The following ATP12A variants were observed in gnomAD, a reference collection of about 807,000 sequenced individuals.
The protein encoded by ATP12A is ATPase H+/K+ transporting non-gastric alpha2 subunit.
In ATP12A, 81 loss-of-function variants were observed where a neutral mutation model predicts 111.2. The observed-to-expected ratio is 0.73, with a 90% CI of 0.61 to 0.88. The LOEUF (loss-of-function observed/expected upper bound fraction) is 0.88, where lower values mean the gene tolerates loss of function less well. Among genes scored for constraint, ATP12A ranks in the 40% least tolerant of loss-of-function variants. The pLI is 0.00. For missense variants in ATP12A, 1,196 were observed against 1,313.1 expected (o/e 0.91, Z 1.38); for synonymous variants, 498 against 499.8 (o/e 1.00, Z 0.05).
chr13:24,710,992 T>C, intron 21 of ATP12A, 99 bp downstream of exon 21: 1 of 1,124,992 alleles, frequency 8.9e-7, no homozygotes, highest in Non-Finnish European at 1.3e-6. Context: ...CTTCCCCAAG[T>C]CTTTCAAAAG....
At chr13:24,690,864 T>C (rs764274392) in intron 7 of ATP12A, 118 bp from the exon 8 acceptor site, 370 of 1,482,050 alleles carry the variant, frequency 2.5e-4, no homozygotes, top group Non-Finnish European at 3.2e-4. Context: ...GGACGATGCT[T>C]GGCCTTGGGA....
At chr13:24,706,182 A>G in intron 14 of ATP12A, 131 bp from the exon 15 acceptor site, 1 of 1,198,310 alleles carries the variant, frequency 8.3e-7, no homozygotes, top group South Asian at 1.6e-5. Flanking sequence ...TTACCTCACT[A>G]GAGCATTAGG....
At chr13:24,711,281 A>G in intron 21 of ATP12A, 37 bp from the exon 22 acceptor site, 1 of 1,557,644 alleles carries the variant, frequency 6.4e-7, no homozygotes. Context: ...ATCCCTGTGG[A>G]TGAGTCAGGG....
At chr13:24,681,101 C>T (rs995374521) in intron 1 of ATP12A, among the ~76,000 whole-genome samples, 1 of 152,150 alleles carries the variant, frequency 6.6e-6, no homozygotes, top group Admixed American at 6.5e-5. Flanking sequence ...GGTTAGGGCC[C>T]CCTGATCAGG....
At chr13:24,710,711 T>C in intron 20 of ATP12A, 81 bp from the exon 21 acceptor site, 1 of 1,599,964 alleles carries the variant, frequency 6.3e-7, no homozygotes, top group Non-Finnish European at 8.6e-7. Context: ...GGCATTGATT[T>C]TTCTGGTGGC....
chr13:24,692,114 G>C (rs138289030), intron 8 of ATP12A, among the ~76,000 whole-genome samples: 1 of 152,168 alleles, frequency 6.6e-6, no homozygotes, highest in Admixed American at 6.5e-5. Context: ...AGGAGGCGTC[G>C]TGATTGTACG....
At chr13:24,689,187 T>C in intron 4 of ATP12A, 75 bp from the exon 5 acceptor site, 1 of 1,169,366 alleles carries the variant, frequency 8.6e-7, no homozygotes, top group Non-Finnish European at 1.3e-6. Context: ...CATCCTCCCG[T>C]GGAGAGCTCT....
chr13:24,689,434 C>T lies in ATP12A; in HGVS notation c.546+59C>T, dbSNP rs1874788828. ...TGACTCCCAGGTGAGGAAGCCTCAG[C>T]TGGGAGGGGCACAGGGCCCTGAGGG... On this transcript the variant is annotated intron_variant, in intron 5 of 22. Transcript: ENST00000381946. The T allele has an allele frequency of 4.8e-6, 7 of 1,464,480 alleles. 1 individual carries two copies. Among genetic ancestry groups the T allele is most frequent in the South Asian group, 3.4e-5 (3 of 87,454 alleles). 90.7% of individuals were successfully genotyped at this position (1,464,480 alleles called of 1,614,324 possible).
At position 24,709,505 on chromosome 13, in the gene ATP12A, C is replaced by T. The variant is rs1167771940; in HGVS notation, c.2617+18C>T. 2.5e-6 allele frequency: 4 copies of T among 1,610,938 alleles called. No homozygotes were observed. Among genetic ancestry groups the T allele is most frequent in the Non-Finnish European group, 3.4e-6 (4 of 1,177,624 alleles). On this transcript the variant is annotated intron_variant, in intron 18 of 22. Coordinates refer to ENST00000381946, the MANE Select transcript of ATP12A (RefSeq NM_001676.7). Reference sequence around the variant, plus strand: ...GCACATTGGTACGATGAGGGCGCGTCTTCCCCATCACACGAGGGCCTGCCC... The same window carrying T: ...GCACATTGGTACGATGAGGGCGCGTTTTCCCCATCACACGAGGGCCTGCCC...
chr13:24,680,641 A>G lies in ATP12A; in HGVS notation c.-103A>G. 1 of 1,369,374 alleles carries G rather than the reference A, an allele frequency of 7.3e-7. No homozygotes were observed. Among genetic ancestry groups the G allele is most frequent in the Non-Finnish European group, 9.8e-7 (1 of 1,018,322 alleles). The allele number at this position is 1,369,374 out of a possible 1,614,324, so 84.8% of individuals were successfully genotyped here. On this transcript the variant is annotated 5_prime_UTR_variant, in exon 1 of 23. Transcript: ENST00000381946. ...TATCTCCACCGCCAACACCTCAGCC[A>G]CTGCCACTGCCACAGCCACACGAGG...
At chr13:24,708,975 G>T (rs1201284405) in intron 17 of ATP12A, among the ~76,000 whole-genome samples, 2 of 122,678 alleles carry the variant, frequency 1.6e-5, no homozygotes, top group Non-Finnish European at 3.8e-5. Flanking sequence ...GAAAGAGAAA[G>T]AGAAATGAAT....
In ATP12A at chr13:24,710,894, G is replaced by A. The variant is rs1875937789; in HGVS notation, c.2999+1G>A. 1.2e-6 allele frequency: 2 copies of A among 1,613,536 alleles called. No homozygotes were observed. The highest frequency in any genetic ancestry group is 1.7e-6 in the Non-Finnish European group (2 of 1,179,520). The stretch of plus-strand genomic sequence containing the variant: ...CAGCCTTGAGTTTCACCATGCTTAG[G>A]TGAGTTCACCCTCAACAGCATGGAG... On this transcript the variant is annotated splice_donor_variant, in intron 21 of 22. Transcript: ENST00000381946. LOFTEE classifies it high-confidence loss of function.
intron 4 of ATP12A, 125 bp downstream of exon 4, chr13:24,688,647 A>G (rs1021858169): frequency 4.1e-6 from 4 of 986,068 alleles, no homozygotes; most frequent in African/African-American, 1.6e-5. Flanking sequence ...TCCCAGCTGT[A>G]AAACAGAAAT....
chr13:24,684,994 A>C (rs1047774660), intron 2 of ATP12A, among the ~76,000 whole-genome samples: 5 of 152,180 alleles, frequency 3.3e-5, no homozygotes, highest in African/African-American at 1.2e-4. Context: ...CTGGAAGATG[A>C]GGGTGCCAGA....
intron 15 of ATP12A, 48 bp downstream of exon 15, chr13:24,706,511 A>C: frequency 6.3e-7 from 1 of 1,598,526 alleles, no homozygotes; most frequent in Admixed American, 1.7e-5. Context: ...ATCACTGTCC[A>C]TGGGCAAGTG....
At chr13:24,681,225 G>C (rs1005501654) in intron 1 of ATP12A, among the ~76,000 whole-genome samples, 4 of 151,768 alleles carry the variant, frequency 2.6e-5, no homozygotes, top group Non-Finnish European at 5.9e-5. Context: ...AAGGAACCTC[G>C]AGGTTCTAAG....
intron 11 of ATP12A, 110 bp from the exon 12 acceptor site, chr13:24,698,548 G>A (rs760660545): frequency 5.8e-6 from 7 of 1,209,344 alleles, no homozygotes; most frequent in African/African-American, 3.1e-5. Flanking sequence ...GGCGGAACAT[G>A]CTGAGGATGC....
intron 17 of ATP12A, among the ~76,000 whole-genome samples, chr13:24,708,964 G>GGAAGAAAGAAA (rs1566078418): frequency 1.7e-4 from 19 of 114,820 alleles, no homozygotes; most frequent in South Asian, 1.0e-3. Flanking sequence ...AAAGAAAGAA[G>GGAAGAAAGAAA]GAAAGAGAAA....
chr13:24,707,529 A>G, intron 17 of ATP12A, 96 bp downstream of exon 17: 1 of 1,495,598 alleles, frequency 6.7e-7, no homozygotes, highest in Non-Finnish European at 9.1e-7. Flanking sequence ...GACTAACTCA[A>G]GGCTTCTCAG....
Sources: allele counts gnomAD v4.1 joint callset (sites outside exome capture counted in the v4.1 genomes callset), GRCh38; gene constraint gnomAD v4.1.1; transcripts MANE v1.5; gene names NCBI Gene and HGNC (gene_info 2026-07-23, HGNC 2026-07-21).